Variants in ERMP1 observed in about 807,000 individuals in gnomAD.
The protein encoded by ERMP1 is Felix-ina.
ERMP1 carries 86 observed loss-of-function variants against 92.0 expected under a neutral mutation model. The observed-to-expected ratio is 0.93, with a 90% confidence interval of 0.79 to 1.12. ERMP1 has a LOEUF of 1.12. ERMP1 is among the 50% of genes most tolerant of loss of function. The pLI, the probability that ERMP1 is intolerant of heterozygous loss-of-function variation, is 0.00. For synonymous variants in ERMP1, 530 were observed against 412.8 expected (o/e 1.28, Z -3.44); for missense variants, 1,342 against 1,116.3 (o/e 1.20, Z -2.88).
intron 6 of ERMP1, among the ~76,000 whole-genome samples, chr9:5,847,926 A>C (rs1355149752): frequency 2.0e-5 from 3 of 151,094 alleles, no homozygotes; most frequent in Non-Finnish European, 4.4e-5. Context: ...AAAAAAAAAA[A>C]CCCAAATCAA....
chr9:5,857,383 T>A (rs1830390629), intron 6 of ERMP1, among the ~76,000 whole-genome samples: 1 of 152,162 alleles, frequency 6.6e-6, no homozygotes, highest in African/African-American at 2.4e-5. Context: ...TTTGTTTGCC[T>A]CGGCTGGGCA....
At chr9:5,854,531 T>C (rs536698278) in intron 6 of ERMP1, among the ~76,000 whole-genome samples, 2 of 152,182 alleles carry the variant, frequency 1.3e-5, no homozygotes, top group Non-Finnish European at 1.5e-5. Flanking sequence ...TAGTTCCATA[T>C]GGTCTTATAC....
At chr9:5,831,761 G>A (rs536973908) in intron 1 of ERMP1, among the ~76,000 whole-genome samples, 2 of 152,266 alleles carry the variant, frequency 1.3e-5, no homozygotes, top group Admixed American at 1.3e-4. Context: ...GGCGGGCGGG[G>A]GAAACTTTTG....
At chr9:5,829,351 G>C (rs1829853205) in intron 2 of ERMP1, among the ~76,000 whole-genome samples, 1 of 152,068 alleles carries the variant, frequency 6.6e-6, no homozygotes, top group African/African-American at 2.4e-5. Context: ...CAATTGTCAA[G>C]CTTTCTAAAT....
chr9:5,792,901 G>A (rs1049304274), intron 13 of ERMP1, among the ~76,000 whole-genome samples: 1 of 152,030 alleles, frequency 6.6e-6, no homozygotes, highest in Non-Finnish European at 1.5e-5. Flanking sequence ...GTATAATACA[G>A]GTCAGAAACT....
chr9:5,807,605 G>A lies in ERMP1; in HGVS notation c.1549-1820C>T, dbSNP rs147041748. ...TACTAAAAACACAAAAATTAGCTGG[G>A]CATGGTGGCACACATCTGTAGTCCC... is the stretch of plus-strand genomic sequence containing the variant. On this transcript the variant is annotated intron_variant, in intron 8 of 14. Transcript: ENST00000339450. Among the ~76,000 whole-genome samples, 529 of 152,164 alleles carry A rather than the reference G, an allele frequency of 3.5e-3. 2 individuals carry two copies. Among genetic ancestry groups the A allele is most frequent in the South Asian group, 0.017 (80 of 4,828 alleles).
At chr9:5,862,336 T>G (rs533725795) in intron 5 of ERMP1, among the ~76,000 whole-genome samples, 27 of 151,328 alleles carry the variant, frequency 1.8e-4, no homozygotes, top group African/African-American at 5.8e-4. Context: ...CTGACCTACT[T>G]ATTTATTTAT....
At chr9:5,801,482 A>T (rs565938776) in intron 10 of ERMP1, among the ~76,000 whole-genome samples, 154 bp from the exon 11 acceptor site, 1 of 152,320 alleles carries the variant, frequency 6.6e-6, no homozygotes, top group East Asian at 1.9e-4. Flanking sequence ...TAGTAAACAA[A>T]GCACTAACTC....
At chr9:5,837,251 C>A, upstream of ERMP1, among the ~76,000 whole-genome samples, 1 of 152,132 alleles carries the variant, frequency 6.6e-6, no homozygotes, top group South Asian at 2.1e-4. Flanking sequence ...TCCCAAGTAA[C>A]TGGTACTATA....
In ERMP1 at chr9:5,833,116, C is replaced by T; in HGVS notation, c.-89G>A. The T allele has an allele frequency of 8.3e-7, 1 of 1,204,160 alleles. No homozygotes were observed. Among genetic ancestry groups the T allele is most frequent in the Non-Finnish European group, 1.1e-6 (1 of 915,510 alleles). 74.6% of individuals were successfully genotyped at this position (1,204,160 alleles called of 1,614,324 possible). ...GCCGCCGTCGCTGCCGCAGCGCCTC[C>T]TAGTGAGCGGACGGAAACTGCAGAG... On this transcript the variant is annotated 5_prime_UTR_variant, in exon 1 of 15. Transcript: ENST00000339450.
chr9:5,853,728 G>C (rs190905047), intron 6 of ERMP1, among the ~76,000 whole-genome samples: 1 of 151,050 alleles, frequency 6.6e-6, no homozygotes, highest in Non-Finnish European at 1.5e-5. Context: ...GCATGTGTTA[G>C]AATCACCCAG....
At chr9:5,860,345 A>G (rs975310326) in intron 5 of ERMP1, among the ~76,000 whole-genome samples, 1 of 151,926 alleles carries the variant, frequency 6.6e-6, no homozygotes, top group Non-Finnish European at 1.5e-5. Flanking sequence ...GGATAAATGC[A>G]CTGTCAGTAT....
rs201080018 is a variant in ERMP1 at position 5,806,936 on chromosome 9, C to A, written c.1549-1151G>T. On this transcript the variant is annotated intron_variant, in intron 8 of 14. Transcript: ENST00000339450. ...TACAGTTCATGTAACAACCCCTCCC[C>A]GCTCCCAACAATGAAAGATAGGCTA... Among the ~76,000 whole-genome samples the A allele has an allele frequency of 9.9e-5, 15 of 152,202 alleles. No individual in the cohort carries two copies. The East Asian group carries it at 2.7e-3, about 27-fold the overall frequency.
chr9:5,834,699 A>ATGTGTGTG (rs1323971917), upstream of ERMP1, among the ~76,000 whole-genome samples: 2 of 81,896 alleles, frequency 2.4e-5, no homozygotes, highest in African/African-American at 7.0e-5. Flanking sequence ...ATATGTATGT[A>ATGTGTGTG]TATATGTGTG....
intron 4 of ERMP1, among the ~76,000 whole-genome samples, chr9:5,819,280 T>TG (rs2131255160): frequency 6.6e-6 from 1 of 152,240 alleles, no homozygotes; most frequent in South Asian, 2.1e-4. Flanking sequence ...GGATGAACCT[T>TG]GTGAAAGCTG....
intron 5 of ERMP1, among the ~76,000 whole-genome samples, chr9:5,860,553 T>A (rs1041813531): frequency 6.6e-6 from 1 of 152,082 alleles, no homozygotes; most frequent in Admixed American, 6.6e-5. Context: ...ACATACTACA[T>A]GTTCTCTCTC....
intron 6 of ERMP1, among the ~76,000 whole-genome samples, chr9:5,842,911 C>A (rs1014129867): frequency 3.3e-5 from 5 of 152,172 alleles, no homozygotes; most frequent in Non-Finnish European, 2.9e-5. Flanking sequence ...GTTTTAAAAG[C>A]CTTTTCCCTC....
intron 6 of ERMP1, among the ~76,000 whole-genome samples, chr9:5,843,217 C>T (rs1293970594): frequency 1.3e-5 from 2 of 152,182 alleles, no homozygotes; most frequent in African/African-American, 2.4e-5. Flanking sequence ...CCTGGCTCCA[C>T]CTAAATCAGT....
chr9:5,798,707 C>A, intron 12 of ERMP1, 99 bp downstream of exon 12: 2 of 701,816 alleles, frequency 2.8e-6, no homozygotes, highest in Admixed American at 2.7e-5. Flanking sequence ...CACCACTGAA[C>A]TTGTATATTA....
Sources: allele counts gnomAD v4.1 joint callset (sites outside exome capture counted in the v4.1 genomes callset), GRCh38; gene constraint gnomAD v4.1.1; transcripts MANE v1.5; gene names NCBI Gene and HGNC (gene_info 2026-07-23, HGNC 2026-07-21).